UBR3: variants seen among roughly 807,000 people sequenced by gnomAD.
UBR3 encodes E3 ubiquitin-protein ligase UBR3.
UBR3 carries 85 observed loss-of-function variants against 243.2 expected under a neutral mutation model. The ratio of observed to expected loss-of-function variants is 0.35; its 90% CI spans 0.29 to 0.42. The LOEUF is 0.42. Among genes scored for constraint, UBR3 ranks in the 10% least tolerant of loss-of-function variants. UBR3 has a pLI of 1.00. For missense variants in UBR3, 1,686 were observed against 2,300.8 expected, an observed-to-expected ratio of 0.73 and a Z score of 5.47; for synonymous variants, 748 against 799.8, an observed-to-expected ratio of 0.94 and a Z score of 1.09.
chr2:169,890,532 G>GATATATATATATAT (rs1310193685), intron 5 of UBR3, among the ~76,000 whole-genome samples: 1 of 10,650 alleles, frequency 9.4e-5, no homozygotes, highest in African/African-American at 2.7e-4. Context: ...CTAGGAGAGA[G>GATATATATATATAT]AGAGAGAGAT....
At position 169,870,580 on chromosome 2, in the gene UBR3, G is replaced by T. The variant is rs190656428; in HGVS notation, c.546-1656G>T. On this transcript the variant is annotated intron_variant, in intron 1 of 38. Transcript: ENST00000272793. ...AATATGATCTTCCATTTGAACTTTA[G>T]AATTAGTTTGTGATTAATTCTATTG... is the stretch of plus-strand genomic sequence containing the variant. Among the ~76,000 whole-genome samples the T allele has an allele frequency of 2.0e-3, 298 of 151,890 alleles. 3 individuals are homozygous for T. The highest frequency in any genetic ancestry group is 6.9e-3 in the African/African-American group (286 of 41,410).
intron 10 of UBR3, among the ~76,000 whole-genome samples, chr2:169,908,524 T>G (rs1388608915): frequency 6.6e-6 from 1 of 152,234 alleles, no homozygotes; most frequent in African/African-American, 2.4e-5. Context: ...TTTAGATGCT[T>G]AAGTTTTTGG....
Position 169,986,852 on chromosome 2 carries a change from A to G in UBR3, c.3784+58A>G. On this transcript the variant is annotated intron_variant, in intron 25 of 38. Coordinates refer to ENST00000272793, the MANE Select transcript of UBR3 (RefSeq NM_172070.4). ...TTTAGAGCTGAAGTATATACAACAG[A>G]TTAATAAATATCTGTATTAAATGAA... is the stretch of plus-strand genomic sequence containing the variant. 1.9e-6 allele frequency: 3 copies of G among 1,543,742 alleles called. No homozygotes were observed. The South Asian group carries it at 3.5e-5, about 18-fold the overall frequency.
At chr2:169,868,406 C>T (rs557635340) in intron 1 of UBR3, among the ~76,000 whole-genome samples, 4 of 152,248 alleles carry the variant, frequency 2.6e-5, no homozygotes, top group South Asian at 2.1e-4. Context: ...CAGTGGCGCA[C>T]GATCTCAGCT....
intron 5 of UBR3, among the ~76,000 whole-genome samples, chr2:169,890,538 G>GTATATAT: frequency 1.3e-5 from 1 of 77,578 alleles, no homozygotes; most frequent in East Asian, 3.7e-4. Context: ...GAGAGAGAGA[G>GTATATAT]AGATATATAT....
Position 169,890,557 on chromosome 2 carries a change from A to ATATGTGTGTATATATATATG in UBR3, c.1039-605_1039-604insGTGTGTATATATATATGTAT, listed in dbSNP as rs1559064107. ...GAGAGAGAGATATATATATATATATATATATATGTGTATATATATATATGT... is the reference window on the plus strand; with the variant it reads ...GAGAGAGAGATATATATATATATATATATGTGTGTATATATATATGTATATATGTGTATATATATATATGT... On this transcript the variant is annotated intron_variant, in intron 5 of 38. Coordinates refer to ENST00000272793, the MANE Select transcript of UBR3 (RefSeq NM_172070.4). Among the ~76,000 whole-genome samples, 139 of 93,916 alleles carry ATATGTGTGTATATATATATG rather than the reference A, an allele frequency of 1.5e-3. 4 individuals carry two copies. The highest frequency in any genetic ancestry group is 6.0e-3 in the African/African-American group (129 of 21,448). 61.6% of individuals were successfully genotyped at this position (93,916 alleles called of 152,430 possible). A position where few individuals can be genotyped will look rare whatever the true frequency, so the allele number is the denominator to read the frequency against.
intron 30 of UBR3, among the ~76,000 whole-genome samples, chr2:170,019,170 GA>G (rs5836257): frequency 0.75 from 114,161 of 152,034 alleles, 43,089 homozygotes; most frequent in East Asian, 0.84. Context: ...TGTTAGTCAA[GA>G]AGAGGATAAG....
intron 8 of UBR3, among the ~76,000 whole-genome samples, chr2:169,901,232 CAGTT>C (rs1420928314): frequency 3.9e-5 from 6 of 152,090 alleles, no homozygotes; most frequent in Non-Finnish European, 5.9e-5. Flanking sequence ...GCTTCTAATG[CAGTT>C]AGTCTTTTCT....
At chr2:169,878,426 A>G in intron 4 of UBR3, 99 bp from the exon 5 acceptor site, 1 of 1,266,954 alleles carries the variant, frequency 7.9e-7, no homozygotes. Flanking sequence ...CTAACGTAAC[A>G]AAACTTAGCT....
intron 24 of UBR3, among the ~76,000 whole-genome samples, chr2:169,962,007 A>C (rs768741356): frequency 1.3e-5 from 2 of 151,084 alleles, no homozygotes; most frequent in Non-Finnish European, 2.9e-5. Flanking sequence ...AAGTGAAGGT[A>C]TATTGTTTCT....
rs1303558196 is a variant in UBR3, at chr2:169,831,138, T to A, written c.545+3086T>A. On this transcript the variant is annotated intron_variant, in intron 1 of 38. Transcript: ENST00000272793. ...ATATATATATATATATTTTTTTTTT[T>A]TTTTTTTTTTTTTTTTTGAGAGAGA... Among the ~76,000 whole-genome samples, 591 of 109,060 alleles carry A rather than the reference T, an allele frequency of 5.4e-3. 4 individuals carry two copies. Among genetic ancestry groups the A allele is most frequent in the African/African-American group, 0.013 (381 of 28,590 alleles). The allele number at this position is 109,060 out of a possible 152,430, so 71.5% of individuals were successfully genotyped here. A position where few individuals can be genotyped will look rare whatever the true frequency, so the allele number is the denominator to read the frequency against.
Position 169,895,316 on chromosome 2 carries a change from C to G in UBR3, c.1236+5C>G, listed in dbSNP as rs1287998266. ...CTTCCAGATCAAGAGTATAAGGTAT[C>G]TATATATTTTCCTGCTTTTCTGAAC... is the stretch of plus-strand genomic sequence containing the variant. On this transcript the variant is annotated splice_donor_5th_base_variant and intron_variant, in intron 7 of 38. Coordinates refer to ENST00000272793, the MANE Select transcript of UBR3 (RefSeq NM_172070.4). 6.5e-7 allele frequency: 1 copy of G among 1,528,698 alleles called. No homozygotes were observed. Among genetic ancestry groups the G allele is most frequent in the South Asian group, 1.3e-5 (1 of 78,740 alleles). 94.7% of individuals were successfully genotyped at this position (1,528,698 alleles called of 1,614,324 possible). A position where few individuals can be genotyped will look rare whatever the true frequency, so the allele number is the denominator to read the frequency against.
At chr2:169,878,435 CT>C in intron 4 of UBR3, 89 bp from the exon 5 acceptor site, 1 of 1,300,632 alleles carries the variant, frequency 7.7e-7, no homozygotes, top group Non-Finnish European at 1.1e-6. Flanking sequence ...CAAAACTTAG[CT>C]TTTTGATATT....
chr2:169,994,328 G>A lies in UBR3; in HGVS notation c.3790G>A (p.Gly1264Arg), dbSNP rs1425100758. ...GCTTTTATCTGTTAATGTAGTTTTG[G>A]GGCAGTGCCGTGACAATGTTGAGCC... Reference protein sequence around the residue: ...VVLLQASSVLGQCRDNVEPKK... With the variant: ...VVLLQASSVLRQCRDNVEPKK... Residue 1264 changes from glycine to arginine, a missense_variant, in exon 26 of 39, where the codon GGG becomes AGG. By Grantham distance (125) the Gly-to-Arg change is moderately radical. Transcript: ENST00000272793. 1 of 1,613,962 alleles carries A rather than the reference G, an allele frequency of 6.2e-7. No individual in the cohort carries two copies. Among genetic ancestry groups the A allele is most frequent in the African/African-American group, 1.3e-5 (1 of 74,976 alleles).
chr2:169,830,041 T>G (rs982398049), intron 1 of UBR3, among the ~76,000 whole-genome samples: 2 of 152,230 alleles, frequency 1.3e-5, no homozygotes, highest in Admixed American at 6.5e-5. Context: ...TATTAAAAAA[T>G]CAGTGTCGTC....
At position 170,083,107 on chromosome 2, in the gene UBR3, T is replaced by G. The variant is rs1166985219; in HGVS notation, c.*1264T>G. The G allele has an allele frequency of 6.6e-6, 1 of 152,608 alleles. No homozygotes were observed. Among genetic ancestry groups the G allele is most frequent in the African/African-American group, 2.4e-5 (1 of 41,456 alleles). 9.5% of individuals were successfully genotyped at this position (152,608 alleles called of 1,614,324 possible). A position where few individuals can be genotyped will look rare whatever the true frequency, so the allele number is the denominator to read the frequency against. On this transcript the variant is annotated 3_prime_UTR_variant, in exon 39 of 39. Transcript: ENST00000272793. ...GTGCTATCAAGCAATCCCTGGTACT[T>G]TGGACTTCCATGGCTTGTTATATAA...
intron 5 of UBR3, among the ~76,000 whole-genome samples, chr2:169,890,525 G>GGAGAGAGAGAGAGAGAGAGA (rs781214598): frequency 2.9e-5 from 2 of 67,876 alleles, no homozygotes; most frequent in African/African-American, 6.5e-5. Flanking sequence ...GGTTTTTCTA[G>GGAGAGAGAGAGAGAGAGAGA]GAGAGAGAGA....
chr2:169,947,120 G>A (rs189659372), intron 21 of UBR3, among the ~76,000 whole-genome samples: 2 of 152,140 alleles, frequency 1.3e-5, no homozygotes, highest in Admixed American at 6.5e-5. Flanking sequence ...ATCAACATAT[G>A]TTCTTTCATA....
chr2:169,858,665 T>A (rs942670655), intron 1 of UBR3, among the ~76,000 whole-genome samples: 3 of 152,178 alleles, frequency 2.0e-5, no homozygotes, highest in Non-Finnish European at 4.4e-5. Context: ...AATGGGGTGA[T>A]CTCAGCTCAC....
Sources: allele counts gnomAD v4.1 joint callset (sites outside exome capture counted in the v4.1 genomes callset), GRCh38; gene constraint gnomAD v4.1.1; transcripts MANE v1.5; gene names NCBI Gene and HGNC (gene_info 2026-07-23, HGNC 2026-07-21).